Variants in RHAG observed in about 807,000 individuals in gnomAD.
RHAG encodes Rh associated glycoprotein.
RHAG carries 25 observed loss-of-function variants against 42.4 expected under a neutral mutation model. That is an observed-to-expected ratio of 0.59 (90% CI 0.43 to 0.82). The LOEUF (loss-of-function observed/expected upper bound fraction) is 0.82, where lower values mean the gene tolerates loss of function less well. Ranked by LOEUF, RHAG falls within the 40% of genes least tolerant of loss-of-function variation. The pLI is 0.00. For missense variants in RHAG, 483 were observed against 504.6 expected (o/e 0.96, Z 0.41); for synonymous variants, 182 against 177.7 (o/e 1.02, Z -0.19).
At chr6:49,629,452 G>A (rs1052298035) in intron 1 of RHAG, among the ~76,000 whole-genome samples, 2 of 152,196 alleles carry the variant, frequency 1.3e-5, no homozygotes, top group Non-Finnish European at 2.9e-5. Context: ...CTTCTCCAAG[G>A]CCCCACCAGA....
chr6:49,636,835 A>T lies in RHAG; in HGVS notation c.-23T>A. Reference sequence around the variant, plus strand: ...CATGTTTGTGGCAAAGGACAGAGGCACACTGAGAGCTTCACAGGCTGTGAG... The same window carrying T: ...CATGTTTGTGGCAAAGGACAGAGGCTCACTGAGAGCTTCACAGGCTGTGAG... On this transcript the variant is annotated 5_prime_UTR_variant, in exon 1 of 10. Transcript: ENST00000371175. The T allele has an allele frequency of 6.2e-7, 1 of 1,613,368 alleles. No individual in the cohort carries two copies. The highest frequency in any genetic ancestry group is 8.5e-7 in the Non-Finnish European group (1 of 1,179,394).
At chr6:49,634,100 TGAACATTTATC>T (rs1762971866) in intron 1 of RHAG, among the ~76,000 whole-genome samples, 1 of 152,214 alleles carries the variant, frequency 6.6e-6, no homozygotes, top group Non-Finnish European at 1.5e-5. Context: ...TCCATCACCT[TGAACATTTATC>T]ATTTCTTTGT....
At chr6:49,625,763 A>T (rs1009887553) in intron 1 of RHAG, among the ~76,000 whole-genome samples, 1 of 152,200 alleles carries the variant, frequency 6.6e-6, no homozygotes, top group African/African-American at 2.4e-5. Flanking sequence ...TCCCAGTTCT[A>T]ATAAAGACAT....
In RHAG at chr6:49,627,651, T is replaced by C. The variant is rs554008336; in HGVS notation, c.158-8289A>G. On this transcript the variant is annotated intron_variant, in intron 1 of 9. Transcript: ENST00000371175. ...TGAAAACATACCTGAGACTGCGTAA[T>C]TCATAAAGGAAAGGTTTAATTGACT... Among the ~76,000 whole-genome samples the C allele has an allele frequency of 4.9e-4, 74 of 152,296 alleles. 1 individual carries two copies. In the South Asian group the frequency reaches 0.015, roughly 31 times the overall value.
chr6:49,615,592 G>T (rs201426967), intron 4 of RHAG, 32 bp downstream of exon 4: 3 of 1,612,286 alleles, frequency 1.9e-6, no homozygotes, highest in Non-Finnish European at 2.5e-6. Flanking sequence ...TTTTCAAATA[G>T]ATAAGATTCA....
rs1344271231 is a variant in RHAG at position 49,611,016 on chromosome 6, T to C, written c.1067+8A>G. 6.8e-6 allele frequency: 11 copies of C among 1,613,654 alleles called. No homozygotes were observed. Among genetic ancestry groups the C allele is most frequent in the Admixed American group, 5.0e-5 (3 of 59,992 alleles). On this transcript the variant is annotated splice_region_variant and intron_variant, in intron 7 of 9. Transcript: ENST00000371175. ...CACAGGGGCTGAAAAACCCATTCTT[T>C]TACTCACGTGTTGGAGGCGCCCATT...
chr6:49,614,090 T>C (rs1762610213), intron 5 of RHAG, among the ~76,000 whole-genome samples: 2 of 152,198 alleles, frequency 1.3e-5, no homozygotes, highest in South Asian at 2.1e-4. Flanking sequence ...TAAAGAAATA[T>C]ACCTCAAATC....
In RHAG at chr6:49,615,230, G is replaced by A. The variant is rs556369380; in HGVS notation, c.641-377C>T. The A allele has an allele frequency of 5.9e-4, 168 of 282,422 alleles. 1 individual carries two copies. Among genetic ancestry groups the A allele is most frequent in the African/African-American group, 3.4e-3 (154 of 44,964 alleles). The allele number at this position is 282,422 out of a possible 1,614,324, so 17.5% of individuals were successfully genotyped here. A position where few individuals can be genotyped will look rare whatever the true frequency, so the allele number is the denominator to read the frequency against. ...CTCCCAAAGTGCTGGGATTACAGGC[G>A]TGAGCCACCACGCCCAGCCTGGAGG... On this transcript the variant is annotated intron_variant, in intron 4 of 9. Coordinates refer to ENST00000371175, the MANE Select transcript of RHAG (RefSeq NM_000324.3).
intron 3 of RHAG, among the ~76,000 whole-genome samples, chr6:49,616,354 C>CA (rs34416373): frequency 0.21 from 22,618 of 107,294 alleles, 3,041 homozygotes; most frequent in African/African-American, 0.4. Flanking sequence ...AATCTCAAAC[C>CA]AAAAAAAAAA....
intron 9 of RHAG, among the ~76,000 whole-genome samples, 162 bp from the exon 10 acceptor site, chr6:49,605,992 T>C (rs567156909): frequency 1.3e-5 from 2 of 152,320 alleles, no homozygotes; most frequent in South Asian, 4.1e-4. Flanking sequence ...ATAAAACATT[T>C]ATCTCACCCA....
chr6:49,608,428 A>G (rs1762512203), intron 7 of RHAG, among the ~76,000 whole-genome samples: 1 of 152,074 alleles, frequency 6.6e-6, no homozygotes, highest in Admixed American at 6.6e-5. Context: ...TTGCCAGGCT[A>G]GAGTGAAGTG....
intron 4 of RHAG, 99 bp from the exon 5 acceptor site, chr6:49,614,952 A>G (rs1410901928): frequency 3.5e-6 from 4 of 1,156,788 alleles, no homozygotes; most frequent in Non-Finnish European, 4.9e-6. Flanking sequence ...TTATTTGTTT[A>G]TTTATTTATT....
intron 1 of RHAG, among the ~76,000 whole-genome samples, chr6:49,624,408 T>A (rs1762810177): frequency 6.6e-6 from 1 of 152,182 alleles, no homozygotes; most frequent in Non-Finnish European, 1.5e-5. Context: ...TTTCACCATG[T>A]TGGCCAGGTT....
At position 49,615,732 on chromosome 6, in the gene RHAG, C is replaced by T. The variant is rs1229253956; in HGVS notation, c.532G>A (p.Gly178Arg). 2 of 1,613,968 alleles carry T rather than the reference C, an allele frequency of 1.2e-6. No individual in the cohort carries two copies. Among genetic ancestry groups the T allele is most frequent in the Non-Finnish European group, 1.7e-6 (2 of 1,180,030 alleles). ...IGASMTIHAF[G>R]AYFGLAVAGI... is the part of the protein sequence containing the mutation. The stretch of plus-strand genomic sequence containing the variant: ...GCTACAGCCAAGCCAAAGTAGGCCC[C>T]AAAGGCATGGATCGTCATTGATGCT... The change falls in exon 4 of 10, where the codon GGG becomes AGG. Residue 178 changes from glycine to arginine, a missense_variant. By Grantham distance (125) the Gly-to-Arg change is moderately radical. Transcript: ENST00000371175.
Position 49,619,226 on chromosome 6 carries a change from C to T in RHAG, c.294G>A (p.Gln98=). Residue 98 remains glutamine, a synonymous_variant, in exon 2 of 10, where the codon CAG becomes CAA. Coordinates refer to ENST00000371175, the MANE Select transcript of RHAG (RefSeq NM_000324.3). ...TCTGTCCCTGGCTTTGCAGGATTCC[C>T]TGTACAATAGTGCCCCACTGGAGGC... is the stretch of plus-strand genomic sequence containing the variant. ...ALGLQWGTIV[Q]GILQSQGQKF... is the part of the protein sequence containing the mutation. 12 of 1,614,090 alleles carry T rather than the reference C, an allele frequency of 7.4e-6. No individual in the cohort carries two copies. Among genetic ancestry groups the T allele is most frequent in the Non-Finnish European group, 1.0e-5 (12 of 1,179,982 alleles).
intron 1 of RHAG, among the ~76,000 whole-genome samples, chr6:49,623,391 GTT>G (rs1301459007): frequency 3.9e-5 from 6 of 152,188 alleles, no homozygotes; most frequent in Non-Finnish European, 1.5e-5. Context: ...TGCTTTAAGA[GTT>G]TGTGGGTGGG....
chr6:49,624,377 G>A (rs1337967716), intron 1 of RHAG, among the ~76,000 whole-genome samples: 1 of 152,012 alleles, frequency 6.6e-6, no homozygotes, highest in African/African-American at 2.4e-5. Context: ...GGTTAATTTT[G>A]TATTTTCAGT....
At chr6:49,632,151 T>C (rs1762945240) in intron 1 of RHAG, 1 of 152,202 alleles carries the variant, frequency 6.6e-6, no homozygotes, top group Non-Finnish European at 1.5e-5. Context: ...TTAATACGTA[T>C]GAATCAGCCT....
intron 7 of RHAG, 48 bp from the exon 8 acceptor site, chr6:49,607,268 C>G: frequency 6.7e-7 from 1 of 1,489,370 alleles, no homozygotes; most frequent in Non-Finnish European, 9.3e-7. Context: ...GGATCTCAGC[C>G]AAAGAAAGTC....
Sources: gnomAD v4.1 joint callset for allele counts (sites outside exome capture counted in the v4.1 genomes callset) on GRCh38, gnomAD v4.1.1 for gene constraint, MANE v1.5 for transcripts, NCBI Gene and HGNC (gene_info 2026-07-23, HGNC 2026-07-21) for gene names.